Variants in ARHGAP30 observed in about 807,000 individuals in gnomAD.
ARHGAP30 encodes Rho GTPase activating protein 30, also known as rho GTPase-activating protein 30.
Under a neutral mutation model 72.0 loss-of-function variants are expected in ARHGAP30, and 23 were observed. The observed-to-expected ratio is 0.32, with a 90% CI of 0.23 to 0.45. The LOEUF is 0.45. Ranked by LOEUF, ARHGAP30 falls within the 20% of genes least tolerant of loss-of-function variation. ARHGAP30 has a pLI of 1.00. For synonymous variants in ARHGAP30, 576 were observed against 528.2 expected (o/e 1.09, Z -1.24); for missense variants, 1,319 against 1,383.4 (o/e 0.95, Z 0.74).
Position 161,069,483 on chromosome 1 carries a change from A to C in ARHGAP30, c.97+45T>G, listed in dbSNP as rs1415335167. 7 of 1,548,476 alleles carry C rather than the reference A, an allele frequency of 4.5e-6. No homozygotes were observed. Among genetic ancestry groups the C allele is most frequent in the African/African-American group, 2.7e-5 (2 of 73,562 alleles). On this transcript the variant is annotated intron_variant, in intron 1 of 11. Transcript: ENST00000368013. The surrounding 1 kb of genome is among the most constrained non-coding windows in gnomAD (Gnocchi z 4.9). ...AGGCTGGATCGGGCTGCAGATGCCCAGTGCCTCCCCACCCACCCTGCAGAA... is the reference window on the plus strand; with the variant it reads ...AGGCTGGATCGGGCTGCAGATGCCCCGTGCCTCCCCACCCACCCTGCAGAA...
At chr1:161,062,140 G>A (rs1433844518) in intron 1 of ARHGAP30, among the ~76,000 whole-genome samples, 1 of 151,832 alleles carries the variant, frequency 6.6e-6, no homozygotes, top group African/African-American at 2.4e-5. Flanking sequence ...TCTCCACCAG[G>A]CCACGTAGTT....
At chr1:161,049,756 C>T (rs1651208851) in intron 10 of ARHGAP30, 67 bp from the exon 11 acceptor site, 3 of 1,551,342 alleles carry the variant, frequency 1.9e-6, no homozygotes, top group Non-Finnish European at 2.6e-6. Flanking sequence ...TGTGAGTCCT[C>T]CTAGCATTGA....
chr1:161,065,470 A>G (rs1352188178), intron 1 of ARHGAP30, among the ~76,000 whole-genome samples: 9 of 152,238 alleles, frequency 5.9e-5, no homozygotes, highest in Non-Finnish European at 7.3e-5. Flanking sequence ...TTTGTTGAAT[A>G]AAGTATGACA....
chr1:161,058,644 GA>G (rs202003745), intron 2 of ARHGAP30, among the ~76,000 whole-genome samples: 29,442 of 105,808 alleles, frequency 0.28, 4,055 homozygotes, highest in Middle Eastern at 0.4. Context: ...AAAAAAAATT[GA>G]AAAAAAAAAT....
rs149241760 is a variant in ARHGAP30, at chr1:161,047,917, G to C, written c.3104C>G (p.Pro1035Arg). Residue 1035 changes from proline (P) to arginine (R), a missense_variant, in exon 12 of 12, where the codon CCT becomes CGT. Transcript: ENST00000368013. ...GDYCLIPRTS[P>R]CSMISAHSPR... is the part of the protein sequence containing the mutation. ...AGAATGGGCAGAGATCATGCTACAA[G>C]GGGAGGTTCTGGGGATGAGGCAGTA... 1.9e-5 allele frequency: 31 copies of C among 1,613,102 alleles called. No homozygotes were observed. The highest frequency in any genetic ancestry group is 3.3e-5 in the Admixed American group (2 of 59,908).
chr1:161,049,380 C>G (rs1468110722), intron 11 of ARHGAP30, 44 bp downstream of exon 11: 7 of 1,599,472 alleles, frequency 4.4e-6, no homozygotes, highest in Admixed American at 1.7e-5. Flanking sequence ...CCCTGTCCAC[C>G]CTTGACTCCA....
chr1:161,057,118 G>A (rs895424138), intron 2 of ARHGAP30, among the ~76,000 whole-genome samples: 1 of 151,780 alleles, frequency 6.6e-6, no homozygotes, highest in Non-Finnish European at 1.5e-5. Context: ...AACATATAAA[G>A]AACTCTTGTA....
chr1:161,057,446 G>A (rs1051170947), intron 2 of ARHGAP30, among the ~76,000 whole-genome samples: 1 of 152,198 alleles, frequency 6.6e-6, no homozygotes, highest in African/African-American at 2.4e-5. Flanking sequence ...ATAAGCACAG[G>A]AAAAGATGTT....
chr1:161,060,259 G>T (rs1328729030), intron 1 of ARHGAP30: 1 of 412,166 alleles, frequency 2.4e-6, no homozygotes, highest in South Asian at 1.6e-5. Flanking sequence ...AACAGAGTGA[G>T]ACCCTGTTTC....
intron 9 of ARHGAP30, among the ~76,000 whole-genome samples, chr1:161,051,992 C>T (rs1378893448): frequency 3.6e-5 from 1 of 27,730 alleles, no homozygotes; most frequent in Admixed American, 3.5e-4. Context: ...CCACCACCAC[C>T]ACCACCACCA....
Position 161,048,112 on chromosome 1 carries a change from C to A in ARHGAP30, c.2909G>T (p.Arg970Leu), listed in dbSNP as rs780720572. The change falls in exon 12 of 12, where the codon CGG becomes CTG. Residue 970 changes from arginine (R) to leucine (L), a missense_variant. Around this residue, in one of 2 missense-constraint regions of ARHGAP30, gnomAD observed 1,097 missense variants for 1,045.2 expected, o/e 1.05. Transcript: ENST00000368013. ...CCTTTCTCCAGGAGTCCCATCAAGC[C>A]GGCCAGGCCTCGGGCATGGATTTGC... is the stretch of plus-strand genomic sequence containing the variant. The part of the protein sequence containing the change: ...APANPCPRPG[R>L]LDGTPGERAW... 1 of 1,614,142 alleles carries A rather than the reference C, an allele frequency of 6.2e-7. No individual in the cohort carries two copies.
chr1:161,060,165 C>T lies in ARHGAP30; in HGVS notation c.98-449G>A, dbSNP rs1271299163. On this transcript the variant is annotated intron_variant, in intron 1 of 11. Transcript: ENST00000368013. ...GTGTGGTGGTACATGCCTGTAGTTTCAGCTACTCAGGAGGCTGATATGGGA... is the reference window on the plus strand; with the variant it reads ...GTGTGGTGGTACATGCCTGTAGTTTTAGCTACTCAGGAGGCTGATATGGGA... 5.1e-5 allele frequency: 22 copies of T among 435,406 alleles called. No homozygotes were observed. The East Asian group carries it at 1.5e-3, about 29-fold the overall frequency. 27.0% of individuals were successfully genotyped at this position (435,406 alleles called of 1,614,324 possible).
At chr1:161,066,641 T>C (rs1299946526) in intron 1 of ARHGAP30, among the ~76,000 whole-genome samples, 3 of 36,492 alleles carry the variant, frequency 8.2e-5, no homozygotes, top group African/African-American at 3.3e-4. Flanking sequence ...CAAGACTGCA[T>C]CTCAAAAAAA....
chr1:161,067,099 G>A (rs1227294019), intron 1 of ARHGAP30, among the ~76,000 whole-genome samples: 29 of 152,080 alleles, frequency 1.9e-4, no homozygotes, highest in Non-Finnish European at 1.5e-5. Flanking sequence ...AGGAGATGGG[G>A]GAAGAGACAA....
chr1:161,048,424 C>A lies in ARHGAP30; in HGVS notation c.2597G>T (p.Gly866Val). The stretch of plus-strand genomic sequence containing the variant: ...ACAGTCAACCTCCAGGGACGCTACA[C>A]CTGAACCTTCAGAGAGGGTGTCCTC... Reference protein sequence around the residue: ...LEEDTLSEGSGVASLEVDCAK... With the variant: ...LEEDTLSEGSVVASLEVDCAK... Residue 866 changes from glycine to valine, a missense_variant, in exon 12 of 12, where the codon GGT becomes GTT. Around this residue, in one of 2 missense-constraint regions of ARHGAP30, gnomAD observed 1,097 missense variants for 1,045.2 expected, o/e 1.05. Coordinates refer to ENST00000368013, the MANE Select transcript of ARHGAP30 (RefSeq NM_001025598.2). 6.8e-6 allele frequency: 11 copies of A among 1,614,138 alleles called. No individual in the cohort carries two copies. The highest frequency in any genetic ancestry group is 1.3e-5 in the African/African-American group (1 of 75,034).
chr1:161,051,266 A>G, intron 10 of ARHGAP30, 48 bp downstream of exon 10: 1 of 1,520,588 alleles, frequency 6.6e-7, no homozygotes, highest in Non-Finnish European at 8.8e-7. Flanking sequence ...GCTTCAGCCT[A>G]GAGTTCCAGT....
At chr1:161,055,890 TAAA>T (rs1419836028) in intron 3 of ARHGAP30, among the ~76,000 whole-genome samples, 70,683 of 109,384 alleles carry the variant, frequency 0.65, 20,750 homozygotes, top group Middle Eastern at 0.71. Context: ...TAAAAATAAA[TAAA>T]ATAAAATAAA....
chr1:161,048,064 C>G lies in ARHGAP30; in HGVS notation c.2957G>C (p.Arg986Pro), dbSNP rs765136591. ...GERAWGSRASRSSWRNGGSLS... is the reference protein window; with the variant it reads ...GERAWGSRASPSSWRNGGSLS... ...ACTACCCCCATTCCTCCAAGAGGAT[C>G]GAGAAGCTCGGGACCCCCAAGCCCT... Residue 986 changes from arginine (R) to proline (P), a missense_variant, in exon 12 of 12, where the codon CGA becomes CCA. This residue lies in a region of ARHGAP30 where 1,097 missense variants were observed against 1,045.2 expected (regional missense o/e 1.05). Transcript: ENST00000368013. 8 of 1,614,160 alleles carry G rather than the reference C, an allele frequency of 5.0e-6. No homozygotes were observed. The highest frequency in any genetic ancestry group is 6.8e-6 in the Non-Finnish European group (8 of 1,180,026).
chr1:161,050,478 T>A (rs987653511), intron 10 of ARHGAP30, among the ~76,000 whole-genome samples: 65 of 151,580 alleles, frequency 4.3e-4, no homozygotes, highest in African/African-American at 6.5e-4. Flanking sequence ...AATTTTTTTT[T>A]AATTTTTTTT....
Sources: gnomAD v4.1 joint callset for allele counts (sites outside exome capture counted in the v4.1 genomes callset) on GRCh38, gnomAD v4.1.1 for gene constraint, gnomAD v4.1.1 regional missense constraint, Gnocchi (gnomAD v3.1) non-coding constraint, MANE v1.5 for transcripts, NCBI Gene and HGNC (gene_info 2026-07-23, HGNC 2026-07-21) for gene names.